EML4: variants seen among roughly 807,000 people sequenced by gnomAD.
EML4 encodes echinoderm microtubule-associated protein-like 4.
EML4 carries 72 observed loss-of-function variants against 129.0 expected under a neutral mutation model. The ratio of observed to expected loss-of-function variants is 0.56; its 90% CI spans 0.46 to 0.68. EML4 has a LOEUF of 0.68. Ranked by LOEUF, EML4 falls within the 30% of genes least tolerant of loss-of-function variation. The pLI is 0.00. For synonymous variants in EML4, 532 were observed against 405.0 expected, an observed-to-expected ratio of 1.31 and a Z score of -3.77; for missense variants, 1,363 against 1,190.6, an observed-to-expected ratio of 1.14 and a Z score of -2.13.
intron 13 of EML4, among the ~76,000 whole-genome samples, chr2:42,297,858 A>G (rs904576208): frequency 2.0e-5 from 3 of 152,132 alleles, no homozygotes; most frequent in African/African-American, 7.2e-5. Context: ...AGACAAACCA[A>G]AACTGTATTT....
chr2:42,264,104 T>G (rs1002508147), intron 5 of EML4, among the ~76,000 whole-genome samples: 1 of 3,168 alleles, frequency 3.2e-4, no homozygotes, highest in Admixed American at 5.6e-3. Context: ...ACAATACGTG[T>G]TTTTTTTTTT....
At chr2:42,271,610 C>G (rs956514788) in intron 6 of EML4, among the ~76,000 whole-genome samples, 1 of 152,152 alleles carries the variant, frequency 6.6e-6, no homozygotes, top group Non-Finnish European at 1.5e-5. Context: ...CTCTGGACAT[C>G]AAGTATATGA....
At chr2:42,271,819 C>G (rs1431190242) in intron 6 of EML4, among the ~76,000 whole-genome samples, 4 of 152,026 alleles carry the variant, frequency 2.6e-5, no homozygotes, top group Non-Finnish European at 5.9e-5. Context: ...CTGTGCTGTC[C>G]AGGCCGGGCA....
At chr2:42,310,665 A>T (rs887155367) in intron 17 of EML4, among the ~76,000 whole-genome samples, 2 of 152,214 alleles carry the variant, frequency 1.3e-5, no homozygotes, top group Non-Finnish European at 2.9e-5. Context: ...GTTCTAATGT[A>T]TATACTCCAG....
intron 1 of EML4, chr2:42,169,968 A>C (rs1670167911): frequency 7.4e-6 from 2 of 270,266 alleles, no homozygotes; most frequent in South Asian, 1.3e-4. Context: ...CCCTCCACTT[A>C]CCCCCCTTCA....
chr2:42,320,621 TC>T (rs1361276695), intron 19 of EML4, among the ~76,000 whole-genome samples: 1 of 152,178 alleles, frequency 6.6e-6, no homozygotes, highest in Non-Finnish European at 1.5e-5. Context: ...TTAACAGTAA[TC>T]TATTAAAATT....
intron 2 of EML4, among the ~76,000 whole-genome samples, chr2:42,250,793 CTTATTG>C (rs1675715422): frequency 5.3e-5 from 8 of 152,210 alleles, no homozygotes; most frequent in South Asian, 2.1e-4. Context: ...TTGTTGTATT[CTTATTG>C]CATAGTAATA....
At chr2:42,181,753 A>G (rs764074068) in intron 1 of EML4, among the ~76,000 whole-genome samples, 52 of 152,252 alleles carry the variant, frequency 3.4e-4, no homozygotes, top group Non-Finnish European at 6.5e-4. Flanking sequence ...TTGTGACACA[A>G]TAAGATGATC....
At chr2:42,301,129 A>G in intron 13 of EML4, 112 bp from the exon 14 acceptor site, 1 of 880,174 alleles carries the variant, frequency 1.1e-6, no homozygotes, top group East Asian at 2.9e-5. Context: ...TGATTGAGTC[A>G]TATGAACTTT....
chr2:42,295,799 T>A (rs986011995), intron 13 of EML4, among the ~76,000 whole-genome samples: 2 of 152,204 alleles, frequency 1.3e-5, no homozygotes, highest in African/African-American at 4.8e-5. Context: ...TTAAAAAGTA[T>A]AAAGGCTCAC....
At chr2:42,264,617 A>T (rs192656013) in intron 5 of EML4, 89 bp from the exon 6 acceptor site, 5 of 776,604 alleles carry the variant, frequency 6.4e-6, no homozygotes, top group Non-Finnish European at 1.1e-5. Context: ...TAGCCTAAGC[A>T]TTAAAACTTT....
At chr2:42,203,161 C>T (rs940874222) in intron 1 of EML4, among the ~76,000 whole-genome samples, 1 of 152,168 alleles carries the variant, frequency 6.6e-6, no homozygotes. Flanking sequence ...TTTGGCCACT[C>T]TATAACGTAT....
chr2:42,208,162 G>A (rs1485563652), intron 1 of EML4: 1 of 152,120 alleles, frequency 6.6e-6, no homozygotes, highest in Non-Finnish European at 1.5e-5. Flanking sequence ...CACTCTGGGA[G>A]GGAGGTCTTA....
At chr2:42,282,747 C>A in intron 7 of EML4, 76 bp from the exon 8 acceptor site, 1 of 1,297,070 alleles carries the variant, frequency 7.7e-7, no homozygotes, top group Non-Finnish European at 1.1e-6. Flanking sequence ...TTCCTAATTC[C>A]TTAAGTATCC....
chr2:42,187,973 T>G (rs1335636234), intron 1 of EML4, among the ~76,000 whole-genome samples: 2 of 152,152 alleles, frequency 1.3e-5, no homozygotes, highest in African/African-American at 2.4e-5. Flanking sequence ...TTGCTCTTAT[T>G]TTTAGGTCGA....
chr2:42,299,655 ACTTG>A (rs1263240556), intron 13 of EML4, among the ~76,000 whole-genome samples: 1 of 152,004 alleles, frequency 6.6e-6, no homozygotes, highest in Non-Finnish European at 1.5e-5. Context: ...GTCTTTTATG[ACTTG>A]CTTCTTTCAC....
rs768742021 is a variant in EML4, at chr2:42,169,651, G to T, written c.25+15G>T. On this transcript the variant is annotated intron_variant, in intron 1 of 22. Coordinates refer to ENST00000318522, the MANE Select transcript of EML4 (RefSeq NM_019063.5). ...CGGCAGTCTCGGTGAGTACGGCTGG[G>T]GAGTCCTGCGTCTTCTGCGAAGGGT... 9 of 1,601,056 alleles carry T rather than the reference G, an allele frequency of 5.6e-6. No homozygotes were observed. The highest frequency in any genetic ancestry group is 8.5e-7 in the Non-Finnish European group (1 of 1,174,154).
intron 1 of EML4, among the ~76,000 whole-genome samples, chr2:42,192,876 G>A (rs1038270762): frequency 6.6e-6 from 1 of 152,122 alleles, no homozygotes; most frequent in East Asian, 1.9e-4. Flanking sequence ...TGGTGCATCT[G>A]CAGAAAGCAT....
intron 21 of EML4, among the ~76,000 whole-genome samples, chr2:42,327,091 A>G (rs1056883799): frequency 6.6e-6 from 1 of 152,212 alleles, no homozygotes; most frequent in Non-Finnish European, 1.5e-5. Flanking sequence ...AAGGGGAATC[A>G]TACAATATTT....
Sources: gnomAD v4.1 joint callset for allele counts (sites outside exome capture counted in the v4.1 genomes callset) on GRCh38, gnomAD v4.1.1 for gene constraint, MANE v1.5 for transcripts, NCBI Gene and HGNC (gene_info 2026-07-23, HGNC 2026-07-21) for gene names.